Variants in HKDC1 observed in about 807,000 individuals in gnomAD.
The protein encoded by HKDC1 is hexokinase HKDC1.
A neutral mutation model predicts 96.6 loss-of-function variants in HKDC1; 66 were observed. The ratio of observed to expected loss-of-function variants is 0.68; its 90% CI spans 0.56 to 0.84. The LOEUF is 0.84. HKDC1 is among the 40% of genes least tolerant of loss of function. The pLI is 0.00. For missense variants in HKDC1, 1,211 were observed against 1,208.1 expected (o/e 1.00, Z -0.04); for synonymous variants, 466 against 473.1 (o/e 0.98, Z 0.20).
At chr10:69,220,576 A>T in intron 1 of HKDC1, 78 bp downstream of exon 1, 1 of 1,043,766 alleles carries the variant, frequency 9.6e-7, no homozygotes, top group Non-Finnish European at 1.4e-6. Context: ...AAAAAAAATC[A>T]GAAGGGAGTG....
intron 2 of HKDC1, chr10:69,232,512 C>T: frequency 3.9e-6 from 2 of 515,236 alleles, no homozygotes; most frequent in South Asian, 4.6e-5. Context: ...TTGACATGCA[C>T]ATTCCTACAG....
chr10:69,252,965 T>C (rs901572382), intron 12 of HKDC1, among the ~76,000 whole-genome samples: 2 of 146,566 alleles, frequency 1.4e-5, no homozygotes, highest in African/African-American at 2.6e-5. Context: ...CAAGACCCCA[T>C]CTCTAAACGT....
At position 69,250,550 on chromosome 10, in the gene HKDC1, G is replaced by T; in HGVS notation, c.1734G>T (p.Val578=). The part of the protein sequence containing the change: ...GTGEELFDHI[V]QCIADFLDYM... ...CTCTGCAGCTCTTTGATCACATTGT[G>T]CAGTGCATCGCCGACTTCCTGGACT... Residue 578 remains valine, a synonymous_variant, in exon 12 of 18, where the codon GTG becomes GTT. Coordinates refer to ENST00000354624, the MANE Select transcript of HKDC1 (RefSeq NM_025130.4). The T allele has an allele frequency of 6.2e-7, 1 of 1,614,108 alleles. No individual in the cohort carries two copies. Among genetic ancestry groups the T allele is most frequent in the Non-Finnish European group, 8.5e-7 (1 of 1,180,026 alleles).
intron 2 of HKDC1, 200 bp from the exon 3 acceptor site, chr10:69,232,564 A>C (rs1843282865): frequency 1.7e-6 from 1 of 592,838 alleles, no homozygotes; most frequent in Admixed American, 3.0e-5. Context: ...AGTCAGGCTG[A>C]CTTAGTTCAC....
chr10:69,248,674 C>A lies in HKDC1; in HGVS notation c.1516C>A (p.Leu506Met). 6.2e-7 allele frequency: 1 copy of A among 1,614,006 alleles called. No homozygotes were observed. The highest frequency in any genetic ancestry group is 1.1e-5 in the South Asian group (1 of 91,074). ...TGGGCTGAAGAAGAAGAGCCACGGG[C>A]TGGCCACGGTCAGGATGCTGCCCAC... The part of the protein sequence containing the change: ...EYGLKKKSHG[L>M]ATVRMLPTYV... Residue 506 changes from leucine (L) to methionine (M), a missense_variant, in exon 10 of 18, where the codon CTG becomes ATG. Coordinates refer to ENST00000354624, the MANE Select transcript of HKDC1 (RefSeq NM_025130.4).
In HKDC1 at chr10:69,240,621, C is replaced by A. The variant is rs373189695; in HGVS notation, c.592-31C>A. 7 of 1,585,312 alleles carry A rather than the reference C, an allele frequency of 4.4e-6. No individual in the cohort carries two copies. In the Admixed American group the frequency reaches 5.0e-5, roughly 11 times the overall value. On this transcript the variant is annotated intron_variant, in intron 5 of 17. Transcript: ENST00000354624. ...GGGAGGGAAACACCTCCTTCCCACC[C>A]GCTGATTCCCTCTGGCCTTGTGTTC...
At chr10:69,233,632 C>T (rs890652945) in intron 4 of HKDC1, among the ~76,000 whole-genome samples, 2 of 149,436 alleles carry the variant, frequency 1.3e-5, no homozygotes, top group African/African-American at 4.9e-5. Flanking sequence ...GGCGCGGTGG[C>T]TCACGCCTAT....
chr10:69,243,424 G>A (rs894290552), intron 7 of HKDC1, 59 bp downstream of exon 7: 2 of 1,419,016 alleles, frequency 1.4e-6, no homozygotes, highest in African/African-American at 3.0e-5. Context: ...AATCACTCAG[G>A]TCCCCTGGCT....
At chr10:69,252,715 TGAGGTGG>T (rs1285121806) in intron 12 of HKDC1, among the ~76,000 whole-genome samples, 1 of 150,588 alleles carries the variant, frequency 6.6e-6, no homozygotes, top group Non-Finnish European at 1.5e-5. Flanking sequence ...CTGGAGAGTA[TGAGGTGG>T]GAGGATCACT....
intron 12 of HKDC1, among the ~76,000 whole-genome samples, chr10:69,254,836 G>T (rs1450915970): frequency 6.6e-6 from 1 of 152,154 alleles, no homozygotes; most frequent in Non-Finnish European, 1.5e-5. Flanking sequence ...CCTGAAATAA[G>T]AAATGGTGGG....
At chr10:69,237,632 C>G (rs916947473) in intron 4 of HKDC1, among the ~76,000 whole-genome samples, 6 of 152,166 alleles carry the variant, frequency 3.9e-5, no homozygotes, top group African/African-American at 1.4e-4. Context: ...CCTCACTTCC[C>G]CCATCCACCT....
chr10:69,239,010 T>C, intron 4 of HKDC1, 32 bp from the exon 5 acceptor site: 5 of 1,525,932 alleles, frequency 3.3e-6, no homozygotes, highest in Non-Finnish European at 4.5e-6. Context: ...AGCACGTCTT[T>C]CATTCAAACT....
chr10:69,255,926 A>C (rs974879227), intron 12 of HKDC1, among the ~76,000 whole-genome samples: 3 of 151,970 alleles, frequency 2.0e-5, no homozygotes, highest in African/African-American at 2.4e-5. Context: ...CAAAAAAAAA[A>C]AAAACAAAAA....
In HKDC1 at chr10:69,250,657, G is replaced by A. The variant is rs760948824; in HGVS notation, c.1836+5G>A. The A allele has an allele frequency of 1.2e-6, 2 of 1,613,278 alleles. No homozygotes were observed. Among genetic ancestry groups the A allele is most frequent in the Non-Finnish European group, 1.7e-6 (2 of 1,179,982 alleles). ...AGGCAGATGAGCATTGACAAGGTAA[G>A]ATAGCCCCACCAGGCTCACGGCCAG... On this transcript the variant is annotated splice_donor_5th_base_variant and intron_variant, in intron 12 of 17. Coordinates refer to ENST00000354624, the MANE Select transcript of HKDC1 (RefSeq NM_025130.4).
chr10:69,220,743 G>C (rs1171982979), intron 1 of HKDC1, among the ~76,000 whole-genome samples: 1 of 152,216 alleles, frequency 6.6e-6, no homozygotes, highest in African/African-American at 2.4e-5. Context: ...ATGCGGAAGC[G>C]GGTGAGGAGG....
At position 69,232,905 on chromosome 10, in the gene HKDC1, GCA is replaced by G. The variant is rs1843292292; in HGVS notation, c.371_372del (p.Thr124ArgfsTer4). ...CCCAATGAAATCATCCGCGGGAACG[GCA>G]CAGAGGTACCTGGCAGGTGGCTCCT... On this transcript the variant is annotated frameshift_variant, in exon 3 of 18. Coordinates refer to ENST00000354624, the MANE Select transcript of HKDC1 (RefSeq NM_025130.4). LOFTEE classifies it high-confidence loss of function. 4 of 1,612,662 alleles carry G rather than the reference GCA, an allele frequency of 2.5e-6. No individual in the cohort carries two copies. The highest frequency in any genetic ancestry group is 3.4e-6 in the Non-Finnish European group (4 of 1,180,036).
chr10:69,231,172 C>T (rs910662562), intron 2 of HKDC1, among the ~76,000 whole-genome samples: 3 of 152,190 alleles, frequency 2.0e-5, no homozygotes, highest in African/African-American at 7.2e-5. Context: ...CACATCCCCT[C>T]CCGTCCGATG....
At chr10:69,242,429 GAAAA>G (rs5785904) in intron 6 of HKDC1, among the ~76,000 whole-genome samples, 2 of 115,360 alleles carry the variant, frequency 1.7e-5, no homozygotes, top group African/African-American at 6.4e-5. Flanking sequence ...AGATACTGAA[GAAAA>G]AAAAAAAAAA....
At chr10:69,258,542 A>AT (rs1438168204) in intron 14 of HKDC1, among the ~76,000 whole-genome samples, 1 of 152,194 alleles carries the variant, frequency 6.6e-6, no homozygotes, top group African/African-American at 2.4e-5. Context: ...AAACTTAAAG[A>AT]TATCACTTCA....
Sources: gnomAD v4.1 joint callset for allele counts (sites outside exome capture counted in the v4.1 genomes callset) on GRCh38, gnomAD v4.1.1 for gene constraint, MANE v1.5 for transcripts, NCBI Gene and HGNC (gene_info 2026-07-23, HGNC 2026-07-21) for gene names.